MPDZ: variants seen among roughly 807,000 people sequenced by gnomAD.
MPDZ encodes the protein multiple PDZ domain crumbs cell polarity complex component.
Under a neutral mutation model 239.1 loss-of-function variants are expected in MPDZ, and 234 were observed. The observed-to-expected ratio is 0.98, with a 90% confidence interval of 0.88 to 1.09. MPDZ has a LOEUF of 1.09. Among genes scored for constraint, MPDZ ranks in the 50% least tolerant of loss-of-function variants. The pLI is 0.00. For missense variants in MPDZ, 3,175 were observed against 2,510.0 expected, an observed-to-expected ratio of 1.26 and a Z score of -5.66; for synonymous variants, 1,048 against 881.3, an observed-to-expected ratio of 1.19 and a Z score of -3.35.
chr9:13,109,973 C>T lies in MPDZ; in HGVS notation c.5921G>A (p.Ser1974Asn). 1 of 1,612,918 alleles carries T rather than the reference C, an allele frequency of 6.2e-7. No homozygotes were observed. The highest frequency in any genetic ancestry group is 8.5e-7 in the Non-Finnish European group (1 of 1,179,554). The change falls in exon 45 of 47, where the codon AGT becomes AAT. Residue 1974 changes from serine (S) to asparagine (N), a missense_variant. By Grantham distance (46) the Ser-to-Asn change is conservative (BLOSUM62 1). Transcript: ENST00000319217. Reference protein sequence around the residue: ...SLSFTGLTSSSIFQDDLGPPQ... With the variant: ...SLSFTGLTSSNIFQDDLGPPQ... ...TCACCCTAAATCATCCTGAAATATA[C>T]TGCTTGACGTCAGCCCAGTGAAAGA... is the stretch of plus-strand genomic sequence containing the variant.
intron 23 of MPDZ, among the ~76,000 whole-genome samples, chr9:13,158,632 T>C (rs1338530321): frequency 6.6e-6 from 1 of 152,130 alleles, no homozygotes; most frequent in Non-Finnish European, 1.5e-5. Context: ...GTGAAAGACT[T>C]TGGTCCAGCT....
intron 12 of MPDZ, among the ~76,000 whole-genome samples, chr9:13,199,200 T>C (rs1329339487): frequency 1.3e-5 from 2 of 152,096 alleles, no homozygotes; most frequent in African/African-American, 4.8e-5. Flanking sequence ...CAGTGTTCTG[T>C]AGGTTTCACT....
intron 26 of MPDZ, among the ~76,000 whole-genome samples, chr9:13,145,197 C>T (rs1948267924): frequency 1.3e-5 from 2 of 151,988 alleles, no homozygotes; most frequent in African/African-American, 4.8e-5. Flanking sequence ...TAGAAACAGA[C>T]TATTTCTTAT....
chr9:13,207,553 C>T (rs1957140661), intron 10 of MPDZ, among the ~76,000 whole-genome samples: 1 of 152,192 alleles, frequency 6.6e-6, no homozygotes, highest in Non-Finnish European at 1.5e-5. Context: ...CAATAGCTTA[C>T]TTAGAAAATA....
chr9:13,212,791 T>TAAAAAAA (rs145889448), intron 10 of MPDZ, among the ~76,000 whole-genome samples: 1 of 110,584 alleles, frequency 9.0e-6, no homozygotes, highest in Non-Finnish European at 1.8e-5. Flanking sequence ...GGTCAAGGTT[T>TAAAAAAA]AAAAAAAAAA....
chr9:13,253,767 A>T (rs2138241787), intron 1 of MPDZ, among the ~76,000 whole-genome samples: 1 of 152,324 alleles, frequency 6.6e-6, no homozygotes, highest in East Asian at 1.9e-4. Flanking sequence ...CAGAAAAGAG[A>T]TGAGCTATGG....
chr9:13,175,630 A>G (rs1278752843), intron 21 of MPDZ, 122 bp downstream of exon 21: 17 of 1,036,248 alleles, frequency 1.6e-5, no homozygotes, highest in Non-Finnish European at 2.4e-5. Flanking sequence ...TAAAAACTAC[A>G]GGAAAATTTC....
rs372786472 is a variant in MPDZ at position 13,175,873 on chromosome 9, G to A, written c.2934C>T (p.Gly978=). ...AGCTCTGTTCAAGCAGGTACTCAGA[G>A]CCCTTTAAGAAAGAAAAAGAAGTCA... ...PSVLPDSAGK[G]SEYLLEQSSL... is the part of the protein sequence containing the mutation. The change falls in exon 21 of 47, where the codon GGC becomes GGT. Residue 978 remains glycine (G), a splice_region_variant and synonymous_variant. Coordinates refer to ENST00000319217, the MANE Select transcript of MPDZ (RefSeq NM_001378778.1). 89 of 1,588,488 alleles carry A rather than the reference G, an allele frequency of 5.6e-5. No individual in the cohort carries two copies. Among genetic ancestry groups the A allele is most frequent in the Non-Finnish European group, 7.4e-5 (87 of 1,168,342 alleles).
intron 32 of MPDZ, among the ~76,000 whole-genome samples, chr9:13,130,251 A>C (rs942650668): frequency 2.6e-5 from 4 of 152,226 alleles, no homozygotes; most frequent in African/African-American, 9.6e-5. Flanking sequence ...CCCATTTTTA[A>C]AAAATATAAA....
intron 1 of MPDZ, among the ~76,000 whole-genome samples, chr9:13,268,277 CCATGTGTATAGGAAGATTTAG>C (rs1972225947): frequency 6.6e-6 from 1 of 151,674 alleles, no homozygotes; most frequent in South Asian, 2.1e-4. Context: ...ATATTCCTAG[CCATGTGTATAGGAAGATTTAG>C]CATGTGTATA....
intron 10 of MPDZ, among the ~76,000 whole-genome samples, chr9:13,213,341 T>A (rs1957865199): frequency 6.6e-6 from 1 of 151,974 alleles, no homozygotes; most frequent in Non-Finnish European, 1.5e-5. Flanking sequence ...ACAAAATATT[T>A]TTAAGTTACA....
chr9:13,223,501 A>T (rs2136348193), intron 5 of MPDZ, 70 bp downstream of exon 5: 1 of 1,471,838 alleles, frequency 6.8e-7, no homozygotes. Flanking sequence ...ATTTTTCTAA[A>T]TTCCTGCATA....
At chr9:13,166,966 C>G (rs1951162274) in intron 22 of MPDZ, among the ~76,000 whole-genome samples, 1 of 152,062 alleles carries the variant, frequency 6.6e-6, no homozygotes, top group Non-Finnish European at 1.5e-5. Flanking sequence ...AGGGCTAGTA[C>G]CAAGTACTAA....
Position 13,205,953 on chromosome 9 carries a change from A to G in MPDZ, c.1437T>C (p.Asp479=), listed in dbSNP as rs1439824873. ...ELMSREDVTK[D]ADLSPVNASI... ...TGGCATTAACAGGAGACAAATCTGC[A>G]TCTTTTGTGACGTCTTCCCTTGACA... The change falls in exon 11 of 47, where the codon GAT becomes GAC. Residue 479 remains aspartate (D), a synonymous_variant. Transcript: ENST00000319217. The G allele has an allele frequency of 6.2e-7, 1 of 1,608,326 alleles. No homozygotes were observed. The highest frequency in any genetic ancestry group is 8.5e-7 in the Non-Finnish European group (1 of 1,177,948).
intron 3 of MPDZ, among the ~76,000 whole-genome samples, chr9:13,232,614 T>C (rs978376756): frequency 2.0e-5 from 3 of 151,368 alleles, no homozygotes; most frequent in Admixed American, 6.6e-5. Flanking sequence ...AGGTTTCTTA[T>C]ATAGGGCAAA....
In MPDZ at chr9:13,106,994, C is replaced by G. The variant is rs1392314249; in HGVS notation, c.6184G>C (p.Gly2062Arg). ...GAGAGAACCATCAAAGTGACAGTGC[C>G]TTTTGTCCGTTTAAGGATGGCAACA... ...EAVAILKRTK[G>R]TVTLMVLS Residue 2062 changes from glycine to arginine, a missense_variant, in exon 47 of 47, where the codon GGC becomes CGC. Physicochemically the swap from Gly to Arg is moderately radical, Grantham distance 125. Transcript: ENST00000319217. 10 of 1,613,564 alleles carry G rather than the reference C, an allele frequency of 6.2e-6. No individual in the cohort carries two copies. Among genetic ancestry groups the G allele is most frequent in the Non-Finnish European group, 8.5e-6 (10 of 1,179,672 alleles).
chr9:13,193,162 C>T lies in MPDZ; in HGVS notation c.1803+5G>A, dbSNP rs905075813. 6.4e-7 allele frequency: 1 copy of T among 1,568,792 alleles called. No individual in the cohort carries two copies. Among genetic ancestry groups the T allele is most frequent in the Non-Finnish European group, 8.7e-7 (1 of 1,152,954 alleles). ...AGGAGGAGAAGGAACAGCATAGCTC[C>T]TTACTTCCAATAGCTCGTCTCCACT... On this transcript the variant is annotated splice_donor_5th_base_variant and intron_variant, in intron 14 of 46. Coordinates refer to ENST00000319217, the MANE Select transcript of MPDZ (RefSeq NM_001378778.1).
intron 27 of MPDZ, 57 bp downstream of exon 27, chr9:13,143,409 A>G (rs1947987229): frequency 2.3e-6 from 3 of 1,318,392 alleles, no homozygotes; most frequent in South Asian, 2.4e-5. Context: ...CAGTAGTAAC[A>G]AAGAACAAAA....
At chr9:13,127,041 C>T (rs1487451919) in intron 32 of MPDZ, among the ~76,000 whole-genome samples, 1 of 152,192 alleles carries the variant, frequency 6.6e-6, no homozygotes, top group Non-Finnish European at 1.5e-5. Flanking sequence ...AGCAAAATAT[C>T]TAGACAGCAA....
Sources: allele counts gnomAD v4.1 joint callset (sites outside exome capture counted in the v4.1 genomes callset), GRCh38; gene constraint gnomAD v4.1.1; transcripts MANE v1.5; gene names NCBI Gene and HGNC (gene_info 2026-07-23, HGNC 2026-07-21).